Variants in BNC2 observed in about 807,000 individuals in gnomAD.
The protein encoded by BNC2 is zinc finger protein basonuclin-2.
BNC2 carries 20 observed loss-of-function variants against 76.3 expected under a neutral mutation model. The ratio of observed to expected loss-of-function variants is 0.26; its 90% CI spans 0.18 to 0.38. The LOEUF (loss-of-function observed/expected upper bound fraction) is 0.38. BNC2 is among the 10% of genes least tolerant of loss of function. The pLI is 1.00. For synonymous variants in BNC2, 582 were observed against 514.8 expected, an observed-to-expected ratio of 1.13 and a Z score of -1.77; for missense variants, 1,382 against 1,399.8, an observed-to-expected ratio of 0.99 and a Z score of 0.20.
intron 5 of BNC2, among the ~76,000 whole-genome samples, chr9:16,526,586 C>T (rs1165562467): frequency 6.8e-6 from 1 of 147,842 alleles, no homozygotes. Flanking sequence ...AAGAAATGTC[C>T]ATTAGTCACT....
At chr9:16,845,942 G>C (rs892475749) in intron 1 of BNC2, among the ~76,000 whole-genome samples, 11 of 152,002 alleles carry the variant, frequency 7.2e-5, no homozygotes, top group African/African-American at 2.4e-4. Flanking sequence ...GAGGTCAGGA[G>C]ATTGAGACCA....
chr9:16,788,635 T>TG (rs1361435220), intron 1 of BNC2, among the ~76,000 whole-genome samples: 1 of 151,792 alleles, frequency 6.6e-6, no homozygotes, highest in Non-Finnish European at 1.5e-5. Flanking sequence ...GGCAAGGCCT[T>TG]GGGAGCAAAT....
At chr9:16,717,422 G>A (rs1824024208) in intron 3 of BNC2, among the ~76,000 whole-genome samples, 1 of 152,040 alleles carries the variant, frequency 6.6e-6, no homozygotes, top group African/African-American at 2.4e-5. Context: ...AACATTCTAA[G>A]GAAAGTATAT....
chr9:16,647,556 G>A (rs567543189), intron 3 of BNC2, among the ~76,000 whole-genome samples: 23 of 152,210 alleles, frequency 1.5e-4, no homozygotes, highest in African/African-American at 4.8e-4. Context: ...CTAGGGTGAC[G>A]CTTCTGGGAA....
intron 5 of BNC2, among the ~76,000 whole-genome samples, chr9:16,454,067 G>A (rs887628683): frequency 1.3e-5 from 2 of 151,886 alleles, no homozygotes; most frequent in Non-Finnish European, 2.9e-5. Flanking sequence ...ATCATTTGTG[G>A]CCCACCTATC....
At chr9:16,543,120 C>T (rs1818375399) in intron 5 of BNC2, among the ~76,000 whole-genome samples, 1 of 152,062 alleles carries the variant, frequency 6.6e-6, no homozygotes, top group African/African-American at 2.4e-5. Context: ...ATAAAGCTCC[C>T]GTTGCTCTAG....
rs544790983 is a variant in BNC2, at chr9:16,461,195, C to G, written c.670-23671G>C. Among the ~76,000 whole-genome samples, 53 of 152,276 alleles carry G rather than the reference C, an allele frequency of 3.5e-4. No homozygotes were observed. In the South Asian group the frequency reaches 0.011, roughly 31 times the overall value. Reference sequence around the variant, plus strand: ...GAACATTTTACATGTGAATGCCGCTCACTTGAATCAGTAAGTCTTTTTCAA... The same window carrying G: ...GAACATTTTACATGTGAATGCCGCTGACTTGAATCAGTAAGTCTTTTTCAA... On this transcript the variant is annotated intron_variant, in intron 5 of 6. Coordinates refer to ENST00000380672, the MANE Select transcript of BNC2 (RefSeq NM_017637.6).
At chr9:16,841,346 T>C (rs548726546) in intron 1 of BNC2, among the ~76,000 whole-genome samples, 6 of 152,304 alleles carry the variant, frequency 3.9e-5, no homozygotes, top group African/African-American at 1.4e-4. Flanking sequence ...ATAGTTGGGA[T>C]TCAAACTCAG....
chr9:16,821,917 C>G (rs1285173744), intron 1 of BNC2, among the ~76,000 whole-genome samples: 1 of 151,896 alleles, frequency 6.6e-6, no homozygotes, highest in African/African-American at 2.4e-5. Flanking sequence ...CACGGTGAAA[C>G]CCTGTCTCTA....
intron 1 of BNC2, among the ~76,000 whole-genome samples, chr9:16,855,432 A>G (rs185541769): frequency 6.6e-6 from 1 of 152,386 alleles, no homozygotes; most frequent in Non-Finnish European, 1.5e-5. Flanking sequence ...GTTGTATTCT[A>G]AAATAAAAAA....
chr9:16,462,135 A>T (rs1821596702), intron 5 of BNC2, among the ~76,000 whole-genome samples: 1 of 152,134 alleles, frequency 6.6e-6, no homozygotes, highest in Non-Finnish European at 1.5e-5. Context: ...CTCTCTCAGA[A>T]ATCCTCCTGC....
chr9:16,478,317 T>C (rs1421170310), intron 5 of BNC2, among the ~76,000 whole-genome samples: 1 of 152,180 alleles, frequency 6.6e-6, no homozygotes, highest in African/African-American at 2.4e-5. Context: ...ACCCTGGTCA[T>C]GAGTGGTGAT....
intron 1 of BNC2, among the ~76,000 whole-genome samples, chr9:16,837,718 G>A (rs1818740004): frequency 6.6e-6 from 1 of 152,070 alleles, no homozygotes; most frequent in Non-Finnish European, 1.5e-5. Flanking sequence ...TATAAGACAG[G>A]TATTCTTGAA....
chr9:16,445,633 C>T (rs1167395227), intron 5 of BNC2, among the ~76,000 whole-genome samples: 1 of 152,184 alleles, frequency 6.6e-6, no homozygotes. Context: ...CACATCCCTA[C>T]TCTCCTCTCT....
intron 3 of BNC2, among the ~76,000 whole-genome samples, chr9:16,685,789 T>C (rs528083497): frequency 1.3e-5 from 2 of 152,346 alleles, no homozygotes; most frequent in East Asian, 1.9e-4. Context: ...AAATATATAG[T>C]GAATACCATG....
At chr9:16,755,543 C>T (rs1257227464) in intron 1 of BNC2, among the ~76,000 whole-genome samples, 1 of 152,116 alleles carries the variant, frequency 6.6e-6, no homozygotes, top group Non-Finnish European at 1.5e-5. Flanking sequence ...CCCCCCCATC[C>T]TTTCTTCCCC....
At chr9:16,522,275 A>G (rs1482660356) in intron 5 of BNC2, among the ~76,000 whole-genome samples, 2 of 152,228 alleles carry the variant, frequency 1.3e-5, no homozygotes, top group Non-Finnish European at 2.9e-5. Flanking sequence ...TACAAGGACA[A>G]AACATTAGCA....
intron 3 of BNC2, among the ~76,000 whole-genome samples, chr9:16,701,082 G>A (rs1373153684): frequency 2.0e-5 from 3 of 152,190 alleles, no homozygotes; most frequent in Admixed American, 1.3e-4. Flanking sequence ...TCTGGGGTGT[G>A]GAGGTATTAG....
chr9:16,490,559 C>T lies in BNC2; in HGVS notation c.670-53035G>A, dbSNP rs112540951. 1.0e-3 allele frequency among the ~76,000 whole-genome samples: 153 copies of T among 152,216 alleles called. 3 individuals are homozygous for T. Among genetic ancestry groups the T allele is most frequent in the South Asian group, 6.8e-3 (33 of 4,822 alleles). The stretch of plus-strand genomic sequence containing the variant: ...TAGAGTTTTCTCACTTCATATCAGA[C>T]GTCTATGTATCTGTGTGGGTGTGTG... On this transcript the variant is annotated intron_variant, in intron 5 of 6. Transcript: ENST00000380672.
Sources: gnomAD v4.1 joint callset for allele counts (sites outside exome capture counted in the v4.1 genomes callset) on GRCh38, gnomAD v4.1.1 for gene constraint, MANE v1.5 for transcripts, NCBI Gene and HGNC (gene_info 2026-07-23, HGNC 2026-07-21) for gene names.